The following SLC24A4 variants were observed in gnomAD, a reference collection of about 807,000 sequenced individuals.
SLC24A4 encodes sodium/potassium/calcium exchanger 4.
In SLC24A4, 53 loss-of-function variants were observed where a neutral mutation model predicts 79.0. That is an observed-to-expected ratio of 0.67 (90% CI 0.54 to 0.84). The LOEUF (loss-of-function observed/expected upper bound fraction) is 0.84, where lower values mean the gene tolerates loss of function less well. Among genes scored for constraint, SLC24A4 ranks in the 40% least tolerant of loss-of-function variants. The probability of loss-of-function intolerance (pLI) is 0.00; values close to 1 mark genes in which losing one functional copy is unlikely to be tolerated. For synonymous variants in SLC24A4, 323 were observed against 323.8 expected (o/e 1.00, Z 0.03); for missense variants, 731 against 822.0 (o/e 0.89, Z 1.35).
intron 2 of SLC24A4, among the ~76,000 whole-genome samples, chr14:92,342,407 G>A (rs1293506003): frequency 2.5e-5 from 3 of 121,368 alleles, no homozygotes; most frequent in Non-Finnish European, 5.1e-5. Flanking sequence ...TTTTGAGATG[G>A]ACTTTTGCTC....
rs115436671 is a variant in SLC24A4 at position 92,366,476 on chromosome 14, A to G, written c.241+40498A>G. 7.0e-3 allele frequency among the ~76,000 whole-genome samples: 1,072 copies of G among 152,314 alleles called. 12 individuals carry two copies. The highest frequency in any genetic ancestry group is 0.024 in the African/African-American group (1,006 of 41,570). On this transcript the variant is annotated intron_variant, in intron 2 of 16. Coordinates refer to ENST00000532405, the MANE Select transcript of SLC24A4 (RefSeq NM_153646.4). ...GGCTGACTGGTTGTTGGAAACAGGG[A>G]TGACCTTGCGTCCTGCAGCAGAAGA...
At chr14:92,393,006 G>A (rs113264699) in intron 2 of SLC24A4, among the ~76,000 whole-genome samples, 15,089 of 150,296 alleles carry the variant, frequency 0.1, 843 homozygotes, top group Middle Eastern at 0.15. Flanking sequence ...CGTGGGAGGC[G>A]CCATCTATGA....
intron 2 of SLC24A4, among the ~76,000 whole-genome samples, chr14:92,335,933 G>A (rs1225669576): frequency 6.6e-6 from 1 of 152,182 alleles, no homozygotes; most frequent in East Asian, 1.9e-4. Context: ...CACGGGAGCA[G>A]CAAACACCTA....
chr14:92,332,242 A>G (rs1885522401), intron 2 of SLC24A4, among the ~76,000 whole-genome samples: 1 of 152,192 alleles, frequency 6.6e-6, no homozygotes, highest in Admixed American at 6.5e-5. Flanking sequence ...AGATCGCACC[A>G]CTGCACTCCA....
At position 92,453,737 on chromosome 14, in the gene SLC24A4, C is replaced by T. The variant is rs139125428; in HGVS notation, c.881-163C>T. On this transcript the variant is annotated intron_variant, in intron 10 of 16. Transcript: ENST00000532405. ...TTTCAAAGCTAGTGACCCACTTTGC[C>T]TGACATGAGGAGTTGAAGCCAGGCA... is the stretch of plus-strand genomic sequence containing the variant. 151 of 631,784 alleles carry T rather than the reference C, an allele frequency of 2.4e-4. No individual in the cohort carries two copies. The East Asian group carries it at 4.9e-3, about 20-fold the overall frequency. The allele number at this position is 631,784 out of a possible 1,614,324, so 39.1% of individuals were successfully genotyped here.
intron 4 of SLC24A4, among the ~76,000 whole-genome samples, chr14:92,440,859 A>T (rs1184027380): frequency 6.6e-6 from 1 of 151,074 alleles, no homozygotes; most frequent in Non-Finnish European, 1.5e-5. Context: ...CAGAGAGGGA[A>T]GGGAAGGGAA....
rs1247885751 is a variant in SLC24A4 at position 92,497,423 on chromosome 14, G to C, written c.*3795G>C. The C allele has an allele frequency of 6.6e-6, 1 of 152,328 alleles. No homozygotes were observed. Among genetic ancestry groups the C allele is most frequent in the Non-Finnish European group, 1.5e-5 (1 of 68,164 alleles). The allele number at this position is 152,328 out of a possible 1,614,324, so 9.4% of individuals were successfully genotyped here. A position where few individuals can be genotyped will look rare whatever the true frequency, so the allele number is the denominator to read the frequency against. On this transcript the variant is annotated 3_prime_UTR_variant, in exon 17 of 17. Coordinates refer to ENST00000532405, the MANE Select transcript of SLC24A4 (RefSeq NM_153646.4). ...AGACTGGGATTTTGGGAAGGGTGTG[G>C]GGGGTGTCATTGCTGGATACCCGTC...
At chr14:92,429,577 A>G (rs1891750929) in intron 2 of SLC24A4, among the ~76,000 whole-genome samples, 1 of 152,188 alleles carries the variant, frequency 6.6e-6, no homozygotes, top group South Asian at 2.1e-4. Flanking sequence ...GACCTACAAA[A>G]TCCAATGTAT....
At chr14:92,478,395 T>G (rs1894884990) in intron 12 of SLC24A4, among the ~76,000 whole-genome samples, 1 of 152,186 alleles carries the variant, frequency 6.6e-6, no homozygotes, top group South Asian at 2.1e-4. Flanking sequence ...GTTGAAAAGA[T>G]TATTGTTTTC....
At chr14:92,365,766 C>T (rs1262032539) in intron 2 of SLC24A4, among the ~76,000 whole-genome samples, 1 of 152,196 alleles carries the variant, frequency 6.6e-6, no homozygotes, top group Non-Finnish European at 1.5e-5. Context: ...TTGGAATTTC[C>T]TGTATGCTAA....
chr14:92,419,476 G>C (rs1470515729), intron 2 of SLC24A4, among the ~76,000 whole-genome samples: 1 of 152,182 alleles, frequency 6.6e-6, no homozygotes, highest in African/African-American at 2.4e-5. Flanking sequence ...GTCCATGTTG[G>C]CAATGATGGA....
chr14:92,357,458 A>T (rs1355271468), intron 2 of SLC24A4, among the ~76,000 whole-genome samples: 2 of 152,266 alleles, frequency 1.3e-5, no homozygotes, highest in Non-Finnish European at 2.9e-5. Flanking sequence ...CTGTCAGTGG[A>T]TGAATGGCTA....
rs779326867 is a variant in SLC24A4 at position 92,480,233 on chromosome 14, T to G, written c.1256-2447T>G. Among the ~76,000 whole-genome samples, 12 of 151,090 alleles carry G rather than the reference T, an allele frequency of 7.9e-5. 1 individual carries two copies. The highest frequency in any genetic ancestry group is 1.5e-4 in the Non-Finnish European group (10 of 67,798). On this transcript the variant is annotated intron_variant, in intron 12 of 16. Coordinates refer to ENST00000532405, the MANE Select transcript of SLC24A4 (RefSeq NM_153646.4). ...TTTCTTTGGACTTCATTTTCTTTTC[T>G]TCTTTTATTTTTCTTAAGGAGAAAG...
intron 2 of SLC24A4, among the ~76,000 whole-genome samples, chr14:92,340,713 T>G (rs1453461988): frequency 6.6e-6 from 1 of 152,110 alleles, no homozygotes; most frequent in Non-Finnish European, 1.5e-5. Flanking sequence ...AAGAGTGTGA[T>G]ATTCACCATC....
intron 2 of SLC24A4, among the ~76,000 whole-genome samples, chr14:92,363,883 T>C (rs1175055650): frequency 6.6e-6 from 1 of 151,540 alleles, no homozygotes; most frequent in Non-Finnish European, 1.5e-5. Context: ...GCATCTGTAC[T>C]GCCCCTCGCC....
intron 13 of SLC24A4, chr14:92,484,100 T>C (rs1895226853): frequency 7.1e-6 from 7 of 985,334 alleles, no homozygotes; most frequent in African/African-American, 1.7e-5. Context: ...ATTGGGAGAA[T>C]GAAAAGAGAG....
At chr14:92,459,519 G>C (rs1379035869) in intron 12 of SLC24A4, among the ~76,000 whole-genome samples, 3 of 152,112 alleles carry the variant, frequency 2.0e-5, no homozygotes, top group Non-Finnish European at 4.4e-5. Flanking sequence ...GTTCCCCTGG[G>C]CTCAGTGCAT....
chr14:92,433,828 C>G, intron 2 of SLC24A4, 84 bp from the exon 3 acceptor site: 8 of 1,182,692 alleles, frequency 6.8e-6, no homozygotes, highest in Non-Finnish European at 1.0e-5. Context: ...TCTGCAGTTC[C>G]TTAGTGAACT....
intron 12 of SLC24A4, among the ~76,000 whole-genome samples, chr14:92,469,069 GA>G (rs1224533125): frequency 1.3e-5 from 2 of 152,142 alleles, no homozygotes; most frequent in Non-Finnish European, 2.9e-5. Flanking sequence ...AGTCATTAGA[GA>G]AATGCAAATC....
Sources: gnomAD v4.1 joint callset for allele counts (sites outside exome capture counted in the v4.1 genomes callset) on GRCh38, gnomAD v4.1.1 for gene constraint, MANE v1.5 for transcripts, NCBI Gene and HGNC (gene_info 2026-07-23, HGNC 2026-07-21) for gene names.